The following AUTS2 variants were observed in gnomAD, a reference collection of about 807,000 sequenced individuals.
AUTS2 encodes activator of transcription and developmental regulator AUTS2, also known as autism susceptibility gene 2 protein.
AUTS2 carries 17 observed loss-of-function variants against 112.4 expected under a neutral mutation model. The ratio of observed to expected loss-of-function variants is 0.15; its 90% CI spans 0.10 to 0.23. The LOEUF (loss-of-function observed/expected upper bound fraction) is 0.23. AUTS2 is among the 10% of genes least tolerant of loss of function. The pLI, the probability that AUTS2 is intolerant of heterozygous loss-of-function variation, is 1.00. For synonymous variants in AUTS2, 751 were observed against 702.7 expected (o/e 1.07, Z -1.09); for missense variants, 1,510 against 1,701.6 (o/e 0.89, Z 1.98).
At chr7:69,719,346 C>T (rs929104264) in intron 1 of AUTS2, among the ~76,000 whole-genome samples, 1 of 152,160 alleles carries the variant, frequency 6.6e-6, no homozygotes, top group Non-Finnish European at 1.5e-5. Context: ...TGAGACTTCT[C>T]TCCATCCTGT....
chr7:70,263,095 G>A (rs1054949290), intron 4 of AUTS2, among the ~76,000 whole-genome samples: 8 of 149,406 alleles, frequency 5.4e-5, no homozygotes, highest in Non-Finnish European at 5.9e-5. Flanking sequence ...TTTTTTTTGC[G>A]TGATACTCAG....
At position 70,626,878 on chromosome 7, in the gene AUTS2, G is replaced by A. The variant is rs1036887059; in HGVS notation, c.691-71691G>A. On this transcript the variant is annotated intron_variant, in intron 5 of 18. Transcript: ENST00000342771. ...TTTTCTGGCTGCATAGTATTCCATC[G>A]TGTATATGTATTACACTGTCTTTAT... is the stretch of plus-strand genomic sequence containing the variant. Among the ~76,000 whole-genome samples the A allele has an allele frequency of 3.9e-5, 6 of 152,174 alleles. No individual in the cohort carries two copies. The East Asian group carries it at 5.8e-4, about 15-fold the overall frequency.
intron 1 of AUTS2, among the ~76,000 whole-genome samples, chr7:69,817,128 G>A (rs1790796764): frequency 6.6e-6 from 1 of 152,156 alleles, no homozygotes; most frequent in African/African-American, 2.4e-5. Context: ...CAGTGGTACA[G>A]GGACTCCACA....
intron 1 of AUTS2, among the ~76,000 whole-genome samples, chr7:69,893,384 G>A (rs1436552697): frequency 6.6e-6 from 1 of 152,056 alleles, no homozygotes; most frequent in Admixed American, 6.6e-5. Context: ...CTCATTATTG[G>A]TAGAATCAGT....
intron 5 of AUTS2, among the ~76,000 whole-genome samples, chr7:70,680,153 G>A (rs763334277): frequency 6.6e-6 from 1 of 152,056 alleles, no homozygotes; most frequent in Non-Finnish European, 1.5e-5. Context: ...ACATTGAATG[G>A]TATATCCTAC....
intron 5 of AUTS2, among the ~76,000 whole-genome samples, chr7:70,529,620 C>A (rs568097171): frequency 1.3e-5 from 2 of 152,354 alleles, no homozygotes; most frequent in African/African-American, 4.8e-5. Flanking sequence ...CCCAGGCTGT[C>A]CTTCACGCTG....
intron 1 of AUTS2, among the ~76,000 whole-genome samples, chr7:69,827,987 T>C (rs964788133): frequency 1.3e-5 from 2 of 152,224 alleles, no homozygotes; most frequent in Non-Finnish European, 2.9e-5. Flanking sequence ...TCACATTACA[T>C]AATACAGGCT....
chr7:69,852,646 T>C (rs1792538811), intron 1 of AUTS2, among the ~76,000 whole-genome samples: 1 of 152,084 alleles, frequency 6.6e-6, no homozygotes, highest in Non-Finnish European at 1.5e-5. Flanking sequence ...AGAGACAGGG[T>C]TTCACCATGT....
At chr7:70,104,854 G>T (rs774802783) in intron 2 of AUTS2, among the ~76,000 whole-genome samples, 8 of 152,072 alleles carry the variant, frequency 5.3e-5, no homozygotes, top group Non-Finnish European at 8.8e-5. Context: ...TCTTAAAGGA[G>T]GGTGAGTTGA....
At chr7:70,592,490 G>A (rs1455917618) in intron 5 of AUTS2, among the ~76,000 whole-genome samples, 3 of 152,126 alleles carry the variant, frequency 2.0e-5, no homozygotes, top group Non-Finnish European at 4.4e-5. Flanking sequence ...AGCCTCCCGA[G>A]TAGCTGGATT....
At chr7:70,398,966 A>C (rs1794206456) in intron 4 of AUTS2, among the ~76,000 whole-genome samples, 1 of 149,562 alleles carries the variant, frequency 6.7e-6, no homozygotes, top group African/African-American at 2.4e-5. Context: ...TATGAAGAAA[A>C]TCATATGGTC....
intron 9 of AUTS2, 79 bp from the exon 10 acceptor site, chr7:70,767,945 C>A: frequency 3.5e-6 from 5 of 1,425,520 alleles, no homozygotes; most frequent in Admixed American, 3.6e-5. Flanking sequence ...GACAGGGAAG[C>A]TTTGTAGGGC....
chr7:70,416,509 C>T (rs1488282694), intron 4 of AUTS2, among the ~76,000 whole-genome samples: 1 of 152,204 alleles, frequency 6.6e-6, no homozygotes, highest in East Asian at 1.9e-4. Context: ...CTTGTGGCAC[C>T]TGGCCACAGT....
intron 5 of AUTS2, among the ~76,000 whole-genome samples, chr7:70,640,366 A>C (rs1346764836): frequency 7.0e-6 from 1 of 141,940 alleles, no homozygotes; most frequent in Non-Finnish European, 1.5e-5. Context: ...GAGCCCCAAC[A>C]CTTGACTCAT....
chr7:70,356,706 C>T (rs891099274), intron 4 of AUTS2, among the ~76,000 whole-genome samples: 2 of 152,080 alleles, frequency 1.3e-5, no homozygotes, highest in African/African-American at 2.4e-5. Flanking sequence ...CTCCTCCCCC[C>T]ACCTCCCCAC....
intron 1 of AUTS2, among the ~76,000 whole-genome samples, chr7:69,876,017 A>G (rs1029698229): frequency 5.3e-5 from 8 of 152,028 alleles, no homozygotes; most frequent in African/African-American, 1.9e-4. Flanking sequence ...AATTCATTTG[A>G]TAGTACAAAT....
intron 2 of AUTS2, among the ~76,000 whole-genome samples, chr7:69,936,952 G>T (rs765109513): frequency 1.3e-5 from 2 of 149,226 alleles, no homozygotes; most frequent in Admixed American, 6.7e-5. Flanking sequence ...TCCTTTCCCC[G>T]CTCCCTGTTC....
rs529125358 is a variant in AUTS2, at chr7:70,098,279, C to T, written c.523-19853C>T. Among the ~76,000 whole-genome samples, 4 of 152,274 alleles carry T rather than the reference C, an allele frequency of 2.6e-5. No individual in the cohort carries two copies. The South Asian group carries it at 6.2e-4, about 24-fold the overall frequency. On this transcript the variant is annotated intron_variant, in intron 2 of 18. Transcript: ENST00000342771. ...CTCTGGATTATCTATAAAACTTTTA[C>T]GGCCTTCCCCAAGTGGCAAGAAGCC...
In AUTS2 at chr7:70,320,775, T is replaced by A. The variant is rs953075821; in HGVS notation, c.661-114977T>A. 3.9e-5 allele frequency among the ~76,000 whole-genome samples: 6 copies of A among 152,178 alleles called. No homozygotes were observed. In the East Asian group the frequency reaches 1.2e-3, roughly 30 times the overall value. ...TCCAGGTTCCCCTGGGATGCTAGTT[T>A]TAGAGGTGGAAGGGCAGTTTTGAAG... is the stretch of plus-strand genomic sequence containing the variant. On this transcript the variant is annotated intron_variant, in intron 4 of 18. Transcript: ENST00000342771.
Sources: gnomAD v4.1 joint callset for allele counts (sites outside exome capture counted in the v4.1 genomes callset) on GRCh38, gnomAD v4.1.1 for gene constraint, MANE v1.5 for transcripts, NCBI Gene and HGNC (gene_info 2026-07-23, HGNC 2026-07-21) for gene names.